The following NHERF1 variants were observed in gnomAD, a reference collection of about 807,000 sequenced individuals.
The protein encoded by NHERF1 is Na(+)/H(+) exchange regulatory cofactor NHE-RF1.
the NHERF1 span, chr17:74,767,897 A>G: frequency 1.6e-6 from 1 of 610,892 alleles, no homozygotes; most frequent in African/African-American, 1.8e-5. Context: ...CGGTTCAGCT[A>G]ATCCCATGAT....
chr17:74,764,089 C>A, the NHERF1 span, among the ~76,000 whole-genome samples: 3 of 152,246 alleles, frequency 2.0e-5, no homozygotes, highest in Admixed American at 1.3e-4. This position sits in a 1 kb window ranked among gnomAD's most constrained non-coding sequence, Gnocchi z 4.9. Flanking sequence ...CCTGCCCAGG[C>A]CCGAGCCAAA....
At chr17:74,760,996 G>A in the NHERF1 span, among the ~76,000 whole-genome samples, 3 of 152,224 alleles carry the variant, frequency 2.0e-5, no homozygotes, top group African/African-American at 7.2e-5. The surrounding 1 kb of genome is among the most constrained non-coding windows in gnomAD (Gnocchi z 4.5). Flanking sequence ...GAGGGGGAGA[G>A]GGACAGGGAC....
the NHERF1 span, chr17:74,749,066 C>A: frequency 6.3e-7 from 1 of 1,594,418 alleles, no homozygotes; most frequent in Non-Finnish European, 8.5e-7. This position sits in a 1 kb window ranked among gnomAD's most constrained non-coding sequence, Gnocchi z 5.6. Context: ...GACCCACCAG[C>A]AGGTGGTGAG....
the NHERF1 span, among the ~76,000 whole-genome samples, chr17:74,762,715 G>A: frequency 4.6e-5 from 7 of 152,112 alleles, no homozygotes; most frequent in Non-Finnish European, 7.4e-5. The surrounding 1 kb of genome is among the most constrained non-coding windows in gnomAD (Gnocchi z 4.2). Flanking sequence ...CCACCACCAC[G>A]CCTGGCTAAT....
At chr17:74,759,254 G>T in the NHERF1 span, among the ~76,000 whole-genome samples, 2 of 152,252 alleles carry the variant, frequency 1.3e-5, no homozygotes, top group East Asian at 1.9e-4. Flanking sequence ...GCAGGTCCCA[G>T]TGCAGGGGAA....
the NHERF1 span, chr17:74,763,432 G>A: frequency 1.9e-6 from 3 of 1,614,104 alleles, no homozygotes; most frequent in South Asian, 2.2e-5. Flanking sequence ...GGGCTGGCGG[G>A]GACGAGACCA....
At chr17:74,763,636 G>A in the NHERF1 span, 1 of 1,049,796 alleles carries the variant, frequency 9.5e-7, no homozygotes. Context: ...CCCGGCATGG[G>A]TGCTCCCTCC....
At chr17:74,757,144 G>A in the NHERF1 span, among the ~76,000 whole-genome samples, 10 of 152,172 alleles carry the variant, frequency 6.6e-5, 1 homozygote, top group South Asian at 6.2e-4. Context: ...GGTCTCCATG[G>A]CTGGCACAGG....
chr17:74,768,286 C>T, the NHERF1 span: 2 of 1,453,364 alleles, frequency 1.4e-6, no homozygotes, highest in African/African-American at 2.8e-5. Flanking sequence ...AAGCCGATTC[C>T]CAGGCCCCAC....
the NHERF1 span, among the ~76,000 whole-genome samples, chr17:74,750,722 CTT>C: frequency 2.4e-3 from 316 of 131,150 alleles, no homozygotes; most frequent in African/African-American, 8.0e-3. Context: ...ATTTGACATT[CTT>C]TTTTTTTTTT....
the NHERF1 span, chr17:74,762,194 C>A: frequency 6.2e-7 from 1 of 1,612,994 alleles, no homozygotes; most frequent in Non-Finnish European, 8.5e-7. This position sits in a 1 kb window ranked among gnomAD's most constrained non-coding sequence, Gnocchi z 4.2. Context: ...TCGCTCTCTT[C>A]CTATCTGACT....
At chr17:74,768,470 G>C in the NHERF1 span, 1 of 1,614,032 alleles carries the variant, frequency 6.2e-7, no homozygotes. Flanking sequence ...CTTTACAGCT[G>C]AATTCCCAAG....
the NHERF1 span, among the ~76,000 whole-genome samples, chr17:74,756,391 G>C: frequency 2.1e-5 from 3 of 146,282 alleles, no homozygotes. Context: ...CGGTTCTCGT[G>C]CCTCAGCCTC....
chr17:74,763,429 C>T, the NHERF1 span: 105 of 1,613,942 alleles, frequency 6.5e-5, no homozygotes, highest in East Asian at 2.0e-3. Context: ...TCAGGGCTGG[C>T]GGGGACGAGA....
At chr17:74,749,516 C>G in the NHERF1 span, among the ~76,000 whole-genome samples, 4 of 152,234 alleles carry the variant, frequency 2.6e-5, no homozygotes, top group Admixed American at 2.6e-4. This position sits in a 1 kb window ranked among gnomAD's most constrained non-coding sequence, Gnocchi z 5.6. Context: ...GGAGCTTGAG[C>G]GCCTTTGCCG....
chr17:74,768,801 T>TA, the NHERF1 span: 2 of 706,548 alleles, frequency 2.8e-6, no homozygotes, highest in Non-Finnish European at 4.7e-6. Flanking sequence ...TAGAGAACTA[T>TA]GTTCTTCCCT....
At chr17:74,760,959 G>A in the NHERF1 span, among the ~76,000 whole-genome samples, 36 of 152,346 alleles carry the variant, frequency 2.4e-4, no homozygotes, top group Non-Finnish European at 5.0e-4. This position sits in a 1 kb window ranked among gnomAD's most constrained non-coding sequence, Gnocchi z 4.5. Flanking sequence ...CTGGACAGCA[G>A]CCAGTGGCCC....
the NHERF1 span, chr17:74,763,633 T>C: frequency 1.8e-6 from 2 of 1,083,588 alleles, no homozygotes; most frequent in Non-Finnish European, 2.7e-6. Context: ...CTTCCCGGCA[T>C]GGGTGCTCCC....
the NHERF1 span, among the ~76,000 whole-genome samples, chr17:74,757,946 C>T: frequency 6.6e-6 from 1 of 152,212 alleles, no homozygotes; most frequent in South Asian, 2.1e-4. Flanking sequence ...AAGTGGTCTT[C>T]CTACTCCTCC....
Sources: allele counts gnomAD v4.1 joint callset (sites outside exome capture counted in the v4.1 genomes callset), GRCh38; gene constraint gnomAD v4.1.1; non-coding constraint Gnocchi (gnomAD v3.1); transcripts MANE v1.5; gene names NCBI Gene and HGNC (gene_info 2026-07-23, HGNC 2026-07-21).